Variants in SRSF4 observed in about 807,000 individuals in gnomAD.
SRSF4 encodes serine/arginine-rich splicing factor 4.
A neutral mutation model predicts 48.8 loss-of-function variants in SRSF4; 12 were observed. The ratio of observed to expected loss-of-function variants is 0.25; its 90% CI spans 0.16 to 0.40. SRSF4 has a LOEUF of 0.40. Ranked by LOEUF, SRSF4 falls within the 10% of genes least tolerant of loss-of-function variation. The probability of loss-of-function intolerance (pLI) is 1.00; values close to 1 mark genes in which losing one functional copy is unlikely to be tolerated. For synonymous variants in SRSF4, 248 were observed against 232.5 expected (o/e 1.07, Z -0.61); for missense variants, 466 against 667.1 (o/e 0.70, Z 3.32).
chr1:29,158,126 G>A (rs372693863), intron 3 of SRSF4, among the ~76,000 whole-genome samples: 15 of 150,806 alleles, frequency 9.9e-5, no homozygotes, highest in African/African-American at 3.4e-4. Context: ...CTGAGATGGC[G>A]CCACTGCACT....
In SRSF4 at chr1:29,149,020, C is replaced by G. The variant is rs746965881; in HGVS notation, c.875G>C (p.Ser292Thr). The G allele has an allele frequency of 6.2e-7, 1 of 1,613,788 alleles. No homozygotes were observed. ...ACTTTTGCTCTTACTTTTATGCCTG[C>G]TAGGACTCCGGCTCTTGGGTTTCCC... The part of the protein sequence containing the change: ...NVGKPKSRSP[S>T]RHKSKSKSRS... Residue 292 changes from serine to threonine, a missense_variant, in exon 6 of 6, where the codon AGC becomes ACC. Physicochemically the swap from Ser to Thr is moderately conservative, Grantham distance 58. Transcript: ENST00000373795.
In SRSF4 at chr1:29,179,907, T is replaced by C. The variant is rs139884747; in HGVS notation, c.107+1739A>G. 3.0e-3 allele frequency among the ~76,000 whole-genome samples: 460 copies of C among 152,374 alleles called. 1 individual carries two copies. Among genetic ancestry groups the C allele is most frequent in the Middle Eastern group, 0.017 (5 of 294 alleles). ...ATGGGTTATCAATACATTTGGTTGATGAATCAGTTTCCCATTAACAGTCTT... is the reference window on the plus strand; with the variant it reads ...ATGGGTTATCAATACATTTGGTTGACGAATCAGTTTCCCATTAACAGTCTT... On this transcript the variant is annotated intron_variant, in intron 1 of 5. Transcript: ENST00000373795.
chr1:29,162,347 A>C (rs1268169603), intron 1 of SRSF4, among the ~76,000 whole-genome samples: 1 of 152,244 alleles, frequency 6.6e-6, no homozygotes, highest in Non-Finnish European at 1.5e-5. Flanking sequence ...ACAGTGACTA[A>C]AAATCTATTA....
chr1:29,148,825 C>T lies in SRSF4; in HGVS notation c.1070G>A (p.Arg357Lys). ...GCGGCTCTCCTCTCTGCTTCTCTTC[C>T]TGCCCTTCCTCTTGTCCTTGCTCTT... ...RSKSKDKRKGRKRSREESRSR... is the reference protein window; with the variant it reads ...RSKSKDKRKGKKRSREESRSR... The change falls in exon 6 of 6, where the codon AGG becomes AAG. Residue 357 changes from arginine to lysine, a missense_variant. By Grantham distance (26) the Arg-to-Lys change is conservative. Transcript: ENST00000373795. The T allele has an allele frequency of 6.2e-7, 1 of 1,608,518 alleles. No homozygotes were observed. The highest frequency in any genetic ancestry group is 8.5e-7 in the Non-Finnish European group (1 of 1,176,578).
chr1:29,148,643 C>T lies in SRSF4; in HGVS notation c.1252G>A (p.Ala418Thr), dbSNP rs147431316. The T allele has an allele frequency of 8.7e-6, 14 of 1,614,174 alleles. No homozygotes were observed. In the African/African-American group the frequency reaches 1.7e-4, roughly 20 times the overall value. The change falls in exon 6 of 6, where the codon GCC becomes ACC. Residue 418 changes from alanine (A) to threonine (T), a missense_variant. Physicochemically the swap from Ala to Thr is moderately conservative, Grantham distance 58. Around this residue, in one of 2 missense-constraint regions of SRSF4, gnomAD observed 402 missense variants for 437.0 expected, o/e 0.92. Coordinates refer to ENST00000373795, the MANE Select transcript of SRSF4 (RefSeq NM_005626.5). ...TCCCTCTGGCTGGATTCAGACTTGG[C>T]ATGTTCCCGCTCCTTTGACACGGAG... ...SRSVSKEREH[A>T]KSESSQREGR...
intron 4 of SRSF4, among the ~76,000 whole-genome samples, 194 bp from the exon 5 acceptor site, chr1:29,150,386 T>A (rs1043600483): frequency 6.6e-6 from 1 of 152,110 alleles, no homozygotes. Context: ...TGCCTCAGCC[T>A]CCCAAGTATC....
chr1:29,148,334 C>T lies in SRSF4; in HGVS notation c.*76G>A, dbSNP rs1672338058. On this transcript the variant is annotated 3_prime_UTR_variant, in exon 6 of 6. Coordinates refer to ENST00000373795, the MANE Select transcript of SRSF4 (RefSeq NM_005626.5). ...AAATGTACAGCAGTGACATGTTCTACTCCAATCACTTGTGCTACGGCTACC... is the reference window on the plus strand; with the variant it reads ...AAATGTACAGCAGTGACATGTTCTATTCCAATCACTTGTGCTACGGCTACC... 6.6e-7 allele frequency: 1 copy of T among 1,521,856 alleles called. No individual in the cohort carries two copies. Among genetic ancestry groups the T allele is most frequent in the Non-Finnish European group, 8.9e-7 (1 of 1,121,624 alleles). 94.3% of individuals were successfully genotyped at this position (1,521,856 alleles called of 1,614,324 possible). A position where few individuals can be genotyped will look rare whatever the true frequency, so the allele number is the denominator to read the frequency against.
In SRSF4 at chr1:29,149,096, TGCGGCTCTTGCC is replaced by T. The variant is rs1238898906; in HGVS notation, c.787_798del (p.Gly263_Arg266del). ...TCTTCAGCTTGGTCTTTGCTCTTGC[TGCGGCTCTTGCC>T]AGCGCTATGGCTGCGGCTGCGGCTC... is the stretch of plus-strand genomic sequence containing the variant. On this transcript the variant is annotated inframe_deletion, in exon 6 of 6. Transcript: ENST00000373795. 8.1e-6 allele frequency: 13 copies of T among 1,613,866 alleles called. No individual in the cohort carries two copies. Among genetic ancestry groups the T allele is most frequent in the Non-Finnish European group, 1.1e-5 (13 of 1,180,028 alleles).
intron 1 of SRSF4, among the ~76,000 whole-genome samples, chr1:29,176,805 C>T (rs1323347953): frequency 6.6e-6 from 1 of 152,176 alleles, no homozygotes; most frequent in Non-Finnish European, 1.5e-5. Flanking sequence ...GATAGCATGA[C>T]TAAACAGACC....
intron 2 of SRSF4, 175 bp from the exon 3 acceptor site, chr1:29,159,661 T>C (rs1672562462): frequency 2.2e-6 from 1 of 461,934 alleles, no homozygotes; most frequent in Non-Finnish European, 3.8e-6. Flanking sequence ...ATCAGCTAAA[T>C]ATAAACATTT....
Position 29,160,491 on chromosome 1 carries a change from A to T in SRSF4, c.134T>A (p.Leu45Gln). The change falls in exon 2 of 6, where the codon CTG (leucine) becomes CAG (glutamine). Residue 45 changes from leucine (L) to glutamine (Q), a missense_variant. Physicochemically the swap from Leu to Gln is moderately radical, Grantham distance 113. Around this residue, in one of 2 missense-constraint regions of SRSF4, gnomAD observed 64 missense variants for 230.2 expected, o/e 0.28. Transcript: ENST00000373795. Reference protein sequence around the residue: ...NGYGFVEFDDLRDADDAVYEL... With the variant: ...NGYGFVEFDDQRDADDAVYEL... ...ATAAACAGCATCATCTGCATCACGC[A>T]GATCATCAAACTCCACAAAACCATA... The T allele has an allele frequency of 6.2e-7, 1 of 1,612,430 alleles. No homozygotes were observed. Among genetic ancestry groups the T allele is most frequent in the Non-Finnish European group, 8.5e-7 (1 of 1,179,498 alleles).
intron 4 of SRSF4, among the ~76,000 whole-genome samples, chr1:29,150,556 A>G (rs887498912): frequency 1.3e-5 from 2 of 152,042 alleles, no homozygotes; most frequent in Non-Finnish European, 2.9e-5. Context: ...GAGCCACCGT[A>G]CCCGGCCAAG....
At chr1:29,171,584 A>C (rs1474499935) in intron 1 of SRSF4, 7 of 151,944 alleles carry the variant, frequency 4.6e-5, no homozygotes, top group Non-Finnish European at 4.4e-5. Context: ...AGTCATACAA[A>C]TGCATTAATA....
At chr1:29,178,166 A>G (rs998184929) in intron 1 of SRSF4, among the ~76,000 whole-genome samples, 1 of 150,858 alleles carries the variant, frequency 6.6e-6, no homozygotes, top group African/African-American at 2.4e-5. Flanking sequence ...TCCCAAGGTG[A>G]TGGGATTACA....
At chr1:29,173,073 A>C (rs1295474758) in intron 1 of SRSF4, 1 of 151,936 alleles carries the variant, frequency 6.6e-6, no homozygotes, top group Non-Finnish European at 1.5e-5. Context: ...TTATGCTTTC[A>C]TAATATCTAA....
At chr1:29,153,393 T>C (rs1672445905) in intron 4 of SRSF4, among the ~76,000 whole-genome samples, 1 of 151,644 alleles carries the variant, frequency 6.6e-6, no homozygotes, top group African/African-American at 2.4e-5. Context: ...GGTGATCCAC[T>C]CGCCTCAGCC....
chr1:29,168,068 C>T lies in SRSF4; in HGVS notation c.108-7551G>A, dbSNP rs997755969. On this transcript the variant is annotated intron_variant, in intron 1 of 5. Coordinates refer to ENST00000373795, the MANE Select transcript of SRSF4 (RefSeq NM_005626.5). ...TCTCGCTCTGTCGCGCAGGCTGCAG[C>T]GCAGCGGCGCGATCTCCACTCACTG... Among the ~76,000 whole-genome samples, 12 of 150,506 alleles carry T rather than the reference C, an allele frequency of 8.0e-5. No individual in the cohort carries two copies. The East Asian group carries it at 1.8e-3, about 22-fold the overall frequency.
intron 1 of SRSF4, among the ~76,000 whole-genome samples, chr1:29,176,270 A>G (rs1020966103): frequency 3.7e-4 from 56 of 152,078 alleles, no homozygotes; most frequent in African/African-American, 1.3e-3. Flanking sequence ...CAAAAAACAA[A>G]AAACAAAAAA....
chr1:29,148,529 A>C lies in SRSF4; in HGVS notation c.1366T>G (p.Ser456Ala). ...GACTTTGATCTGGAGCGTGATTCTG[A>C]TGGAAGGTTTGGTTTCGATTTGGAA... ...SNSKSKPNLP[S>A]ESRSRSKSAS... Residue 456 changes from serine (S) to alanine (A), a missense_variant, in exon 6 of 6, where the codon TCA becomes GCA. Physicochemically the swap from Ser to Ala is moderately conservative, Grantham distance 99 (BLOSUM62 1). Transcript: ENST00000373795. The C allele has an allele frequency of 6.2e-7, 1 of 1,614,038 alleles. No individual in the cohort carries two copies. The highest frequency in any genetic ancestry group is 8.5e-7 in the Non-Finnish European group (1 of 1,180,014).
Sources: allele counts gnomAD v4.1 joint callset (sites outside exome capture counted in the v4.1 genomes callset), GRCh38; gene constraint gnomAD v4.1.1; regional missense constraint gnomAD v4.1.1; transcripts MANE v1.5; gene names NCBI Gene and HGNC (gene_info 2026-07-23, HGNC 2026-07-21).